PRDM1: variants seen among roughly 807,000 people sequenced by gnomAD.
PRDM1 encodes PR domain zinc finger protein 1.
A neutral mutation model predicts 62.8 loss-of-function variants in PRDM1; 13 were observed. That is an observed-to-expected ratio of 0.21 (90% CI 0.13 to 0.33). The LOEUF (loss-of-function observed/expected upper bound fraction) is 0.33, where lower values mean the gene tolerates loss of function less well. Ranked by LOEUF, PRDM1 falls within the 10% of genes least tolerant of loss-of-function variation. The pLI is 1.00. For synonymous variants in PRDM1, 396 were observed against 417.6 expected, an observed-to-expected ratio of 0.95 and a Z score of 0.63; for missense variants, 895 against 1,058.8, an observed-to-expected ratio of 0.85 and a Z score of 2.15.
chr6:106,101,997 C>A (rs1254973341), intron 4 of PRDM1, among the ~76,000 whole-genome samples: 3 of 152,200 alleles, frequency 2.0e-5, no homozygotes, highest in African/African-American at 7.2e-5. Flanking sequence ...ATCTATCTAA[C>A]TAACCCATCT....
In PRDM1 at chr6:106,076,800, A is replaced by G. The variant is rs1444175529; in HGVS notation, c.-66-11401A>G. Reference sequence around the variant, plus strand: ...GCAATCAGAATTGTATCAGCCCACTAAGCAACAAGGAGTTTGTTTTGTTAA... The same window carrying G: ...GCAATCAGAATTGTATCAGCCCACTGAGCAACAAGGAGTTTGTTTTGTTAA... On this transcript the variant is annotated intron_variant, in intron 1 of 6. Transcript: ENST00000651185. 2.0e-5 allele frequency among the ~76,000 whole-genome samples: 3 copies of G among 152,364 alleles called. No homozygotes were observed. In the East Asian group the frequency reaches 5.8e-4, roughly 29 times the overall value.
At chr6:106,098,209 A>ACT (rs1385194249) in intron 3 of PRDM1, 2 of 985,158 alleles carry the variant, frequency 2.0e-6, no homozygotes, top group African/African-American at 3.5e-5. Flanking sequence ...CGCAGATCAC[A>ACT]CTAGGTATTG....
intron 1 of PRDM1, among the ~76,000 whole-genome samples, chr6:106,021,419 G>A (rs1179828285): frequency 1.3e-5 from 2 of 152,154 alleles, no homozygotes; most frequent in African/African-American, 4.8e-5. Flanking sequence ...ATTGAAATTT[G>A]CCCAAGTAGC....
At chr6:106,096,713 C>T (rs915003022) in intron 3 of PRDM1, among the ~76,000 whole-genome samples, 1 of 152,080 alleles carries the variant, frequency 6.6e-6, no homozygotes, top group Non-Finnish European at 1.5e-5. Context: ...TAGAAAGGCC[C>T]CCAGAGGTGA....
In PRDM1 at chr6:106,106,316, G is replaced by A. The variant is rs78024488; in HGVS notation, c.1774-55G>A. 2.5e-6 allele frequency: 4 copies of A among 1,599,742 alleles called. No homozygotes were observed. The highest frequency in any genetic ancestry group is 2.7e-5 in the African/African-American group (2 of 74,588). The stretch of plus-strand genomic sequence containing the variant: ...AACACTTGAGTCTTGGAGCAGAAAT[G>A]TTAGGTCTCAGAGCCAGCTTGAGAG... On this transcript the variant is annotated intron_variant, in intron 5 of 6. Transcript: ENST00000369096. This position sits in a 1 kb window ranked among gnomAD's most constrained non-coding sequence, Gnocchi z 4.4.
At position 105,994,714 on chromosome 6, in the gene PRDM1, G is replaced by C. The variant is rs1366195912; in HGVS notation, c.-67+1075G>C. ...CAAACTTCCAGATAAATCTTTGCCC[G>C]GATCCTCCTGCGGTCAAAGCATCAG... On this transcript the variant is annotated intron_variant, in intron 1 of 6. Transcript: ENST00000652320. The surrounding 1 kb of genome is among the most constrained non-coding windows in gnomAD (Gnocchi z 4.1). 1.3e-5 allele frequency among the ~76,000 whole-genome samples: 2 copies of C among 152,144 alleles called. No homozygotes were observed. Among genetic ancestry groups the C allele is most frequent in the Non-Finnish European group, 2.9e-5 (2 of 68,024 alleles).
At chr6:106,004,016 T>C (rs1772456980) in intron 1 of PRDM1, among the ~76,000 whole-genome samples, 1 of 152,152 alleles carries the variant, frequency 6.6e-6, no homozygotes, top group Non-Finnish European at 1.5e-5. Context: ...ATTTTGTTTT[T>C]GTGGGTAATG....
At chr6:106,019,982 C>T (rs550200932) in intron 1 of PRDM1, among the ~76,000 whole-genome samples, 45 of 150,646 alleles carry the variant, frequency 3.0e-4, no homozygotes, top group Non-Finnish European at 5.5e-4. Context: ...ATAATCCCAG[C>T]ACTTTGGGAG....
At chr6:106,057,469 A>G (rs1052226511) in intron 1 of PRDM1, among the ~76,000 whole-genome samples, 3 of 152,194 alleles carry the variant, frequency 2.0e-5, no homozygotes, top group Non-Finnish European at 1.5e-5. Context: ...CTTTTTCACT[A>G]TAATTTTTGG....
chr6:106,071,632 A>AC (rs1307687553), intron 1 of PRDM1, among the ~76,000 whole-genome samples: 1 of 152,016 alleles, frequency 6.6e-6, no homozygotes, highest in African/African-American at 2.4e-5. Flanking sequence ...AGCCTAAGTG[A>AC]CCCCTCTGAG....
intron 1 of PRDM1, among the ~76,000 whole-genome samples, chr6:106,026,414 G>A (rs1460713897): frequency 1.1e-4 from 17 of 152,094 alleles, no homozygotes; most frequent in Non-Finnish European, 2.1e-4. Flanking sequence ...GGGAGGCAGA[G>A]GTTGCAGCGA....
At chr6:106,092,190 C>G (rs191269488) in intron 2 of PRDM1, among the ~76,000 whole-genome samples, 47 of 151,242 alleles carry the variant, frequency 3.1e-4, no homozygotes, top group African/African-American at 1.1e-3. Flanking sequence ...ATTAAGCGCT[C>G]CAACTCAACC....
chr6:106,035,940 T>A (rs1772919892), intron 1 of PRDM1, among the ~76,000 whole-genome samples: 1 of 152,082 alleles, frequency 6.6e-6, no homozygotes, highest in African/African-American at 2.4e-5. Context: ...TTAAATAAAA[T>A]TTTTTTAAAT....
At chr6:106,089,690 G>C (rs529357708) in intron 2 of PRDM1, among the ~76,000 whole-genome samples, 6 of 152,276 alleles carry the variant, frequency 3.9e-5, no homozygotes, top group African/African-American at 1.4e-4. Context: ...AACCCCAGAG[G>C]TCAGCCTTAA....
chr6:106,030,819 CATA>C (rs1252584726), intron 1 of PRDM1, among the ~76,000 whole-genome samples: 2 of 152,166 alleles, frequency 1.3e-5, no homozygotes, highest in Non-Finnish European at 2.9e-5. Context: ...CAAGCATCTT[CATA>C]TAAAATCAGT....
intron 1 of PRDM1, among the ~76,000 whole-genome samples, chr6:106,033,317 G>GTTT (rs147098593): frequency 2.9e-5 from 4 of 136,272 alleles, no homozygotes; most frequent in East Asian, 2.1e-4. Context: ...GCTAATATTA[G>GTTT]TTTTTTTTTT....
chr6:106,001,071 AC>A (rs1772418912), intron 1 of PRDM1, among the ~76,000 whole-genome samples: 1 of 152,230 alleles, frequency 6.6e-6, no homozygotes, highest in Non-Finnish European at 1.5e-5. Context: ...ACATTCAAAT[AC>A]TTTTCCACTT....
In PRDM1 at chr6:106,106,325, C is replaced by T. The variant is rs776029531; in HGVS notation, c.1774-46C>T. 4.4e-6 allele frequency: 7 copies of T among 1,606,190 alleles called. No individual in the cohort carries two copies. The highest frequency in any genetic ancestry group is 6.0e-6 in the Non-Finnish European group (7 of 1,174,284). The stretch of plus-strand genomic sequence containing the variant: ...GTCTTGGAGCAGAAATGTTAGGTCT[C>T]AGAGCCAGCTTGAGAGCAGAGCTAA... On this transcript the variant is annotated intron_variant, in intron 5 of 6. Coordinates refer to ENST00000369096, the MANE Select transcript of PRDM1 (RefSeq NM_001198.4). The surrounding 1 kb of genome is among the most constrained non-coding windows in gnomAD (Gnocchi z 4.4).
At chr6:106,045,661 G>C (rs1001616910), upstream of PRDM1, 2 of 152,180 alleles carry the variant, frequency 1.3e-5, no homozygotes, top group African/African-American at 4.8e-5. Flanking sequence ...ACAATGGAGA[G>C]ACAAAGGCTA....
Sources: gnomAD v4.1 joint callset for allele counts (sites outside exome capture counted in the v4.1 genomes callset) on GRCh38, gnomAD v4.1.1 for gene constraint, Gnocchi (gnomAD v3.1) non-coding constraint, MANE v1.5 for transcripts, NCBI Gene and HGNC (gene_info 2026-07-23, HGNC 2026-07-21) for gene names.